OCIAD1: variants seen among roughly 807,000 people sequenced by gnomAD.
OCIAD1 encodes the protein OCIA domain-containing protein 1.
OCIAD1 carries 29 observed loss-of-function variants against 38.9 expected under a neutral mutation model. The observed-to-expected ratio is 0.74, with a 90% CI of 0.55 to 1.02. The LOEUF (loss-of-function observed/expected upper bound fraction) is 1.02. Among genes scored for constraint, OCIAD1 ranks in the 50% least tolerant of loss-of-function variants. The probability of loss-of-function intolerance (pLI) is 0.00; values close to 1 mark genes in which losing one functional copy is unlikely to be tolerated. For synonymous variants in OCIAD1, 110 were observed against 92.0 expected, an observed-to-expected ratio of 1.20 and a Z score of -1.12; for missense variants, 288 against 289.6, an observed-to-expected ratio of 0.99 and a Z score of 0.04.
intron 5 of OCIAD1, 47 bp downstream of exon 5, chr4:48,848,493 A>G (rs1183374519): frequency 1.1e-6 from 1 of 921,024 alleles, no homozygotes; most frequent in Non-Finnish European, 1.7e-6. Flanking sequence ...TAAAACTTAA[A>G]TAAAATTATT....
At chr4:48,807,695 A>G (rs1248316018) in intron 1 of OCIAD1, among the ~76,000 whole-genome samples, 2 of 152,204 alleles carry the variant, frequency 1.3e-5, no homozygotes, top group Non-Finnish European at 2.9e-5. Context: ...AACTGAGAGC[A>G]CTTAAAAATT....
At position 48,851,818 on chromosome 4, in the gene OCIAD1, A is replaced by T; in HGVS notation, c.390A>T (p.Gln130His). The T allele has an allele frequency of 6.2e-7, 1 of 1,606,636 alleles. No homozygotes were observed. Among genetic ancestry groups the T allele is most frequent in the Non-Finnish European group, 8.5e-7 (1 of 1,173,640 alleles). The part of the protein sequence containing the change: ...RRSSPPGHYY[Q>H]KSKYDSSVSG... Reference sequence around the variant, plus strand: ...TTTTCATTTACAGGCACTATTATCAAAAGTCAAAATATGACTCAAGTGTGA... The same window carrying T: ...TTTTCATTTACAGGCACTATTATCATAAGTCAAAATATGACTCAAGTGTGA... Residue 130 changes from glutamine (Q) to histidine (H), a missense_variant, in exon 7 of 9, where the codon CAA becomes CAT. Physicochemically the swap from Gln to His is conservative, Grantham distance 24. Coordinates refer to ENST00000264312, the MANE Select transcript of OCIAD1 (RefSeq NM_017830.4).
chr4:48,809,898 G>T (rs925506425), intron 1 of OCIAD1, among the ~76,000 whole-genome samples: 1 of 152,136 alleles, frequency 6.6e-6, no homozygotes, highest in African/African-American at 2.4e-5. Flanking sequence ...GCAGACTTAA[G>T]TACTTAACTA....
chr4:48,856,826 T>G (rs1425671371), intron 7 of OCIAD1: 1 of 152,722 alleles, frequency 6.5e-6, no homozygotes, highest in African/African-American at 2.4e-5. Flanking sequence ...CAAGTTTTAT[T>G]CAGTTGTCCC....
chr4:48,824,466 GA>G (rs1560409368), intron 1 of OCIAD1, among the ~76,000 whole-genome samples: 1 of 151,888 alleles, frequency 6.6e-6, no homozygotes, highest in African/African-American at 2.4e-5. Flanking sequence ...CTGCAACCCT[GA>G]ACTCCTGGTC....
chr4:48,811,297 G>C (rs1560406303), intron 1 of OCIAD1, among the ~76,000 whole-genome samples: 2 of 152,258 alleles, frequency 1.3e-5, no homozygotes, highest in African/African-American at 4.8e-5. Context: ...GAGTGATCTT[G>C]TTAAAATCCA....
upstream of OCIAD1, among the ~76,000 whole-genome samples, chr4:48,827,197 C>T (rs1406010245): frequency 6.6e-6 from 1 of 152,110 alleles, no homozygotes; most frequent in African/African-American, 2.4e-5. Context: ...TTCAAGCGTT[C>T]ATTTGAAAAT....
At chr4:48,852,875 G>GTTTTTTTTTTTTTT (rs770694566) in intron 7 of OCIAD1, among the ~76,000 whole-genome samples, 2 of 69,126 alleles carry the variant, frequency 2.9e-5, no homozygotes, top group African/African-American at 1.4e-4. Context: ...GTTTTTTTTT[G>GTTTTTTTTTTTTTT]TTTTTTGTTT....
At chr4:48,843,825 T>C (rs930099012) in intron 4 of OCIAD1, among the ~76,000 whole-genome samples, 1 of 152,234 alleles carries the variant, frequency 6.6e-6, no homozygotes, top group African/African-American at 2.4e-5. Context: ...TTCTTTTATC[T>C]ATTTTAATCC....
upstream of OCIAD1, among the ~76,000 whole-genome samples, chr4:48,827,846 A>G (rs1406866197): frequency 6.6e-6 from 1 of 152,224 alleles, no homozygotes. Flanking sequence ...GCTGGGCTCC[A>G]GAGTTGGGTG....
intron 1 of OCIAD1, among the ~76,000 whole-genome samples, chr4:48,819,246 C>T (rs2109493457): frequency 6.6e-6 from 1 of 152,264 alleles, no homozygotes; most frequent in Non-Finnish European, 1.5e-5. Context: ...ACCCTACAAG[C>T]CAGAAGAGAG....
chr4:48,852,087 T>C, intron 7 of OCIAD1, 112 bp downstream of exon 7: 1 of 770,578 alleles, frequency 1.3e-6, no homozygotes, highest in South Asian at 1.9e-5. Context: ...CCATCAATCA[T>C]CAACCTAAAC....
At chr4:48,810,894 C>CTTT (rs869120091) in intron 1 of OCIAD1, among the ~76,000 whole-genome samples, 13 of 64,232 alleles carry the variant, frequency 2.0e-4, no homozygotes, top group Non-Finnish European at 3.0e-4. Context: ...TTCTTTCTTT[C>CTTT]TTTTTTTTTT....
intron 1 of OCIAD1, among the ~76,000 whole-genome samples, chr4:48,813,130 T>C (rs1274674576): frequency 2.6e-5 from 4 of 152,156 alleles, no homozygotes; most frequent in Admixed American, 2.6e-4. Context: ...GGATGTCAAG[T>C]TAAGAGCCTG....
intron 1 of OCIAD1, among the ~76,000 whole-genome samples, chr4:48,813,789 G>A (rs1352559884): frequency 1.3e-5 from 2 of 152,200 alleles, no homozygotes; most frequent in Non-Finnish European, 2.9e-5. Flanking sequence ...TTATGTCAAA[G>A]TTTTAAAAAC....
At chr4:48,820,916 C>G (rs1777187064) in intron 1 of OCIAD1, among the ~76,000 whole-genome samples, 2 of 152,100 alleles carry the variant, frequency 1.3e-5, no homozygotes, top group Non-Finnish European at 2.9e-5. Context: ...TAATAGCCTA[C>G]CAACCAACAA....
Position 48,857,346 on chromosome 4 carries a change from A to C in OCIAD1, c.681A>C (p.Glu227Asp). 6.4e-7 allele frequency: 1 copy of C among 1,558,382 alleles called. No homozygotes were observed. The highest frequency in any genetic ancestry group is 8.6e-7 in the Non-Finnish European group (1 of 1,156,538). ...KTDPSVRPMHERVPKKEVKVN... is the reference protein window; with the variant it reads ...KTDPSVRPMHDRVPKKEVKVN... ...ACCCCTCAGTCAGGCCTATGCATGA[A>C]AGAGTGCCAAAAAAAGAAGGTATGA... is the stretch of plus-strand genomic sequence containing the variant. Residue 227 changes from glutamate to aspartate, a missense_variant, in exon 8 of 9, where the codon GAA becomes GAC. Physicochemically the swap from Glu to Asp is conservative, Grantham distance 45. Coordinates refer to ENST00000264312, the MANE Select transcript of OCIAD1 (RefSeq NM_017830.4).
At chr4:48,825,668 G>A (rs1207521335) in intron 1 of OCIAD1, among the ~76,000 whole-genome samples, 1 of 152,166 alleles carries the variant, frequency 6.6e-6, no homozygotes. Context: ...TGAATCAATA[G>A]CTTGTGGCAT....
At chr4:48,836,530 G>GT (rs1351868751) in intron 3 of OCIAD1, among the ~76,000 whole-genome samples, 7 of 152,228 alleles carry the variant, frequency 4.6e-5, no homozygotes, top group Non-Finnish European at 7.3e-5. Context: ...TTATTGTGGA[G>GT]TTGTGTTGGT....
Sources: allele counts gnomAD v4.1 joint callset (sites outside exome capture counted in the v4.1 genomes callset), GRCh38; gene constraint gnomAD v4.1.1; transcripts MANE v1.5; gene names NCBI Gene and HGNC (gene_info 2026-07-23, HGNC 2026-07-21).